Variants in EPHA5 observed in about 807,000 individuals in gnomAD.
EPHA5 encodes EPH receptor A5.
Under a neutral mutation model 105.0 loss-of-function variants are expected in EPHA5, and 60 were observed. The observed-to-expected ratio is 0.57, with a 90% CI of 0.46 to 0.71. EPHA5 has a LOEUF of 0.71. EPHA5 is among the 30% of genes least tolerant of loss of function. The pLI, the probability that EPHA5 is intolerant of heterozygous loss-of-function variation, is 0.00. For missense variants in EPHA5, 1,218 were observed against 1,274.7 expected (o/e 0.96, Z 0.68); for synonymous variants, 513 against 449.1 (o/e 1.14, Z -1.80).
intron 2 of EPHA5, among the ~76,000 whole-genome samples, chr4:65,638,626 C>G (rs903008521): frequency 2.0e-5 from 3 of 152,150 alleles, no homozygotes; most frequent in African/African-American, 7.2e-5. Context: ...GTAATCCCAG[C>G]TACTCGGAAG....
chr4:65,418,733 C>T (rs1723632305), intron 6 of EPHA5, among the ~76,000 whole-genome samples: 1 of 151,882 alleles, frequency 6.6e-6, no homozygotes, highest in Non-Finnish European at 1.5e-5. Context: ...TTCTCCATCC[C>T]TCCCCATTGT....
At chr4:65,433,509 GAT>G (rs1011398633) in intron 5 of EPHA5, among the ~76,000 whole-genome samples, 3 of 152,142 alleles carry the variant, frequency 2.0e-5, no homozygotes, top group Middle Eastern at 3.2e-3. Context: ...CAGAAACTCA[GAT>G]ATATTTCAAC....
At chr4:65,354,936 G>A (rs1256091149) in intron 11 of EPHA5, among the ~76,000 whole-genome samples, 1 of 151,776 alleles carries the variant, frequency 6.6e-6, no homozygotes, top group South Asian at 2.1e-4. Context: ...TGCAAAGGCA[G>A]CCACATTTCC....
At chr4:65,574,691 TATATATAC>T (rs1412682475) in intron 3 of EPHA5, among the ~76,000 whole-genome samples, 57 of 67,626 alleles carry the variant, frequency 8.4e-4, no homozygotes, top group African/African-American at 2.6e-3. Flanking sequence ...TATATATACA[TATATATAC>T]ATATATATAC....
At chr4:65,519,467 C>A (rs1004315021) in intron 3 of EPHA5, among the ~76,000 whole-genome samples, 1 of 152,076 alleles carries the variant, frequency 6.6e-6, no homozygotes, top group East Asian at 1.9e-4. Context: ...AAAACTGGCA[C>A]AAGACAGGGA....
chr4:65,395,376 TAA>T (rs1259942015), intron 8 of EPHA5, among the ~76,000 whole-genome samples: 10 of 152,220 alleles, frequency 6.6e-5, no homozygotes, highest in East Asian at 1.9e-4. Flanking sequence ...TTATGTGCAA[TAA>T]GTGTCCAAAA....
At chr4:65,423,681 T>TC (rs918692473) in intron 5 of EPHA5, among the ~76,000 whole-genome samples, 2 of 150,468 alleles carry the variant, frequency 1.3e-5, no homozygotes, top group African/African-American at 4.9e-5. Context: ...TTTTTTTTTT[T>TC]CTACATTATT....
intron 3 of EPHA5, among the ~76,000 whole-genome samples, chr4:65,524,577 A>G (rs1283581192): frequency 6.6e-6 from 1 of 151,836 alleles, no homozygotes; most frequent in Non-Finnish European, 1.5e-5. Context: ...TATAACTTAA[A>G]TTAGTCAAAT....
chr4:65,557,442 CATT>C (rs1041728079), intron 3 of EPHA5, among the ~76,000 whole-genome samples: 10 of 151,614 alleles, frequency 6.6e-5, no homozygotes, highest in Admixed American at 2.0e-4. Flanking sequence ...TTATTATCAT[CATT>C]GATTCAGCAA....
At chr4:65,507,542 T>C (rs186032584) in intron 3 of EPHA5, among the ~76,000 whole-genome samples, 1,914 of 152,288 alleles carry the variant, frequency 0.013, 16 homozygotes, top group Non-Finnish European at 0.021. Flanking sequence ...TTTTATTTCA[T>C]TGAGCAGTGG....
intron 2 of EPHA5, among the ~76,000 whole-genome samples, chr4:65,638,165 A>G (rs1238978943): frequency 6.6e-6 from 1 of 152,200 alleles, no homozygotes; most frequent in African/African-American, 2.4e-5. Flanking sequence ...TTGAATATTC[A>G]TACAATTGCT....
chr4:65,366,016 A>G lies in EPHA5; in HGVS notation c.1903T>C (p.Tyr635His). Residue 635 changes from tyrosine to histidine, a missense_variant, in exon 10 of 17, where the codon TAT becomes CAT. By Grantham distance (83) the Tyr-to-His change is moderately conservative (BLOSUM62 2). Around this residue, in one of 3 missense-constraint regions of EPHA5, gnomAD observed 971 missense variants for 1,013.5 expected, o/e 0.96. Coordinates refer to ENST00000613740, the MANE Select transcript of EPHA5 (RefSeq NM_001281766.3). ...TGGACAGCTTGATTGGGATCCTCATAGGTATGTGGATCAATGTAAGTTCTT... is the reference window on the plus strand; with the variant it reads ...TGGACAGCTTGATTGGGATCCTCATGGGTATGTGGATCAATGTAAGTTCTT... ...GVRTYIDPHTYEDPNQAVHEF... is the reference protein window; with the variant it reads ...GVRTYIDPHTHEDPNQAVHEF... 1 of 1,602,888 alleles carries G rather than the reference A, an allele frequency of 6.2e-7. No homozygotes were observed.
chr4:65,437,896 T>C (rs924057010), intron 5 of EPHA5, among the ~76,000 whole-genome samples: 23 of 151,962 alleles, frequency 1.5e-4, no homozygotes, highest in African/African-American at 5.3e-4. Flanking sequence ...TGAATTTACA[T>C]AGTTAAAATT....
At chr4:65,369,167 C>T (rs778725060) in intron 8 of EPHA5, among the ~76,000 whole-genome samples, 1 of 152,068 alleles carries the variant, frequency 6.6e-6, no homozygotes, top group Non-Finnish European at 1.5e-5. Context: ...ATATTCGTCA[C>T]ATTGATGAAT....
Position 65,322,781 on chromosome 4 carries a change from C to T in EPHA5, c.*1333G>A, listed in dbSNP as rs1719740533. On this transcript the variant is annotated 3_prime_UTR_variant, in exon 17 of 17. Transcript: ENST00000613740. Reference sequence around the variant, plus strand: ...AACATCCATTAAAAATAAAACTTATCAATTATTGAAATAAAATTCTGAAGG... The same window carrying T: ...AACATCCATTAAAAATAAAACTTATTAATTATTGAAATAAAATTCTGAAGG... The T allele has an allele frequency of 8.8e-6, 2 of 227,336 alleles. No homozygotes were observed. The highest frequency in any genetic ancestry group is 2.2e-5 in the African/African-American group (1 of 44,908). The allele number at this position is 227,336 out of a possible 1,614,324, so 14.1% of individuals were successfully genotyped here.
intron 3 of EPHA5, among the ~76,000 whole-genome samples, chr4:65,533,737 C>A (rs1020597677): frequency 2.6e-5 from 4 of 152,026 alleles, no homozygotes; most frequent in African/African-American, 9.7e-5. Flanking sequence ...GAGTTGAGAC[C>A]AGTCTGGCCA....
intron 8 of EPHA5, among the ~76,000 whole-genome samples, chr4:65,374,874 C>T (rs1224702615): frequency 6.6e-6 from 1 of 151,798 alleles, no homozygotes; most frequent in Non-Finnish European, 1.5e-5. Flanking sequence ...TATGATGAGA[C>T]ATGCAAAATT....
chr4:65,517,375 T>C (rs1734206487), intron 3 of EPHA5, among the ~76,000 whole-genome samples: 1 of 151,862 alleles, frequency 6.6e-6, no homozygotes, highest in Non-Finnish European at 1.5e-5. Context: ...AAAATATGTT[T>C]CTTATAAACA....
intron 5 of EPHA5, among the ~76,000 whole-genome samples, chr4:65,477,086 T>C (rs1392531957): frequency 3.3e-5 from 5 of 152,174 alleles, no homozygotes; most frequent in African/African-American, 1.2e-4. Context: ...GTTGTGCTCC[T>C]AAGAAAAGAT....
Sources: gnomAD v4.1 joint callset for allele counts (sites outside exome capture counted in the v4.1 genomes callset) on GRCh38, gnomAD v4.1.1 for gene constraint, gnomAD v4.1.1 regional missense constraint, MANE v1.5 for transcripts, NCBI Gene and HGNC (gene_info 2026-07-23, HGNC 2026-07-21) for gene names.